Variants in PRELID2 observed in about 807,000 individuals in gnomAD.
The protein encoded by PRELID2 is PRELI domain-containing protein 2.
PRELID2 carries 25 observed loss-of-function variants against 28.4 expected under a neutral mutation model. The observed-to-expected ratio is 0.88, with a 90% CI of 0.64 to 1.23. PRELID2 has a LOEUF of 1.23. PRELID2 is among the 50% of genes most tolerant of loss of function. The pLI, the probability that PRELID2 is intolerant of heterozygous loss-of-function variation, is 0.00. For missense variants in PRELID2, 201 were observed against 214.4 expected (o/e 0.94, Z 0.39); for synonymous variants, 76 against 71.6 (o/e 1.06, Z -0.31).
In PRELID2 at chr5:145,487,164, C is replaced by T. The variant is rs547542468; in HGVS notation, n.71-13849G>A. ...CTAGATGATGAGTTAGTGGGTGCAG[C>T]GCACCAGCATGGCACATGTATACAT... On this transcript the variant is annotated intron_variant and non_coding_transcript_variant, in intron 1 of 2. Transcript: ENST00000510259. 2.7e-3 allele frequency among the ~76,000 whole-genome samples: 400 copies of T among 149,178 alleles called. 3 individuals are homozygous for T. Among genetic ancestry groups the T allele is most frequent in the Admixed American group, 4.6e-3 (69 of 14,970 alleles).
At chr5:145,511,943 C>A (rs1054379182) in intron 1 of PRELID2, among the ~76,000 whole-genome samples, 4 of 152,016 alleles carry the variant, frequency 2.6e-5, no homozygotes, top group Non-Finnish European at 5.9e-5. Context: ...GGGGCAGTGG[C>A]AGTAAAATTA....
At chr5:145,401,569 C>T in the PRELID2 span, among the ~76,000 whole-genome samples, 1 of 152,102 alleles carries the variant, frequency 6.6e-6, no homozygotes, top group South Asian at 2.1e-4. Context: ...CGCTAGCAGC[C>T]ACCATCCCTG....
chr5:145,290,272 A>T, the PRELID2 span, among the ~76,000 whole-genome samples: 1 of 152,174 alleles, frequency 6.6e-6, no homozygotes, highest in Non-Finnish European at 1.5e-5. Context: ...AGGATTATAA[A>T]TCATGCTGCT....
the PRELID2 span, among the ~76,000 whole-genome samples, chr5:145,370,727 A>G: frequency 6.6e-6 from 1 of 152,260 alleles, no homozygotes; most frequent in African/African-American, 2.4e-5. Flanking sequence ...GACCATTTAC[A>G]TAATATTGAT....
intron 1 of PRELID2, among the ~76,000 whole-genome samples, chr5:145,716,012 C>T (rs1755832538): frequency 6.6e-6 from 1 of 152,184 alleles, no homozygotes; most frequent in South Asian, 2.1e-4. Context: ...TGGCCCAACC[C>T]AAATTTGTAA....
At chr5:145,291,826 A>G in the PRELID2 span, among the ~76,000 whole-genome samples, 4 of 152,180 alleles carry the variant, frequency 2.6e-5, no homozygotes, top group Non-Finnish European at 5.9e-5. Context: ...GGTGTCTTGG[A>G]AAAATGTTTT....
the PRELID2 span, among the ~76,000 whole-genome samples, chr5:145,379,171 C>A: frequency 6.6e-6 from 1 of 152,262 alleles, no homozygotes; most frequent in South Asian, 2.1e-4. Context: ...TCTCTGGTTT[C>A]TTAATGATAG....
chr5:145,250,053 A>G, the PRELID2 span, among the ~76,000 whole-genome samples: 1 of 152,040 alleles, frequency 6.6e-6, no homozygotes, highest in African/African-American at 2.4e-5. Context: ...TCTTTTCTTT[A>G]TAGATCTAGA....
chr5:145,435,785 A>G, the PRELID2 span, among the ~76,000 whole-genome samples: 1 of 152,184 alleles, frequency 6.6e-6, no homozygotes. Flanking sequence ...GTACTATGAT[A>G]GGTAAGCAGT....
At chr5:145,755,035 T>G (rs1757220507), downstream of PRELID2, among the ~76,000 whole-genome samples, 1 of 152,168 alleles carries the variant, frequency 6.6e-6, no homozygotes, top group South Asian at 2.1e-4. Flanking sequence ...TATGGAAATT[T>G]TAAACAGGTA....
chr5:145,597,270 G>A (rs191919660), intron 1 of PRELID2, among the ~76,000 whole-genome samples: 61 of 152,136 alleles, frequency 4.0e-4, no homozygotes, highest in African/African-American at 1.2e-3. Context: ...TTTAGTGCCC[G>A]AATATTTTAT....
chr5:145,346,604 G>A, the PRELID2 span, among the ~76,000 whole-genome samples: 1 of 152,120 alleles, frequency 6.6e-6, no homozygotes, highest in Non-Finnish European at 1.5e-5. Context: ...GGCTATAATT[G>A]CAAAATGAGC....
At chr5:145,790,727 A>G (rs62392333) in intron 5 of PRELID2, among the ~76,000 whole-genome samples, 2,338 of 45,364 alleles carry the variant, frequency 0.052, 60 homozygotes, top group African/African-American at 0.093. Flanking sequence ...GTGTGTATAT[A>G]TATATATATA....
At chr5:145,292,050 C>T in the PRELID2 span, among the ~76,000 whole-genome samples, 52 of 152,150 alleles carry the variant, frequency 3.4e-4, 2 homozygotes, top group East Asian at 9.8e-3. Flanking sequence ...TTTTATTACT[C>T]TTCCTTTCCT....
chr5:145,648,535 G>C (rs543158845), intron 1 of PRELID2, among the ~76,000 whole-genome samples: 1 of 151,522 alleles, frequency 6.6e-6, no homozygotes, highest in South Asian at 2.1e-4. Flanking sequence ...CAGTTTTATT[G>C]TTGGTTCATG....
At chr5:145,748,100 G>A (rs1757038375) in intron 1 of PRELID2, among the ~76,000 whole-genome samples, 1 of 152,172 alleles carries the variant, frequency 6.6e-6, no homozygotes, top group Non-Finnish European at 1.5e-5. Context: ...AACTGGTAAA[G>A]ACAAGGATGC....
the PRELID2 span, among the ~76,000 whole-genome samples, chr5:145,392,076 T>C: frequency 2.0e-5 from 3 of 152,156 alleles, no homozygotes; most frequent in Admixed American, 1.3e-4. Flanking sequence ...GTTACCCAGC[T>C]CCAAAGTTGC....
intron 1 of PRELID2, among the ~76,000 whole-genome samples, chr5:145,537,874 G>A (rs1752712981): frequency 1.3e-5 from 2 of 151,566 alleles, no homozygotes; most frequent in South Asian, 2.1e-4. Flanking sequence ...TTTCTTAGTT[G>A]TCTATGTTTT....
At chr5:145,715,920 G>A (rs1414347615) in intron 1 of PRELID2, among the ~76,000 whole-genome samples, 2 of 152,090 alleles carry the variant, frequency 1.3e-5, no homozygotes, top group African/African-American at 2.4e-5. Context: ...CTATTTTCTT[G>A]TTTATTTATT....
Sources: allele counts gnomAD v4.1 joint callset (sites outside exome capture counted in the v4.1 genomes callset), GRCh38; gene constraint gnomAD v4.1.1; transcripts MANE v1.5; gene names NCBI Gene and HGNC (gene_info 2026-07-23, HGNC 2026-07-21).